Variants in TAMM41 observed in about 807,000 individuals in gnomAD.
The protein encoded by TAMM41 is phosphatidate cytidylyltransferase, mitochondrial.
A neutral mutation model predicts 44.1 loss-of-function variants in TAMM41; 36 were observed. That is an observed-to-expected ratio of 0.82 (90% CI 0.63 to 1.08). The LOEUF (loss-of-function observed/expected upper bound fraction) is 1.08. Among genes scored for constraint, TAMM41 ranks in the 50% least tolerant of loss-of-function variants. The pLI, the probability that TAMM41 is intolerant of heterozygous loss-of-function variation, is 0.00. For missense variants in TAMM41, 417 were observed against 404.3 expected, an observed-to-expected ratio of 1.03 and a Z score of -0.27; for synonymous variants, 164 against 153.1, an observed-to-expected ratio of 1.07 and a Z score of -0.53.
At chr3:11,794,840 G>A (rs572780988) in intron 7 of TAMM41, among the ~76,000 whole-genome samples, 4 of 152,178 alleles carry the variant, frequency 2.6e-5, no homozygotes, top group Admixed American at 6.5e-5. Context: ...ATAATCTTAC[G>A]TTTCAGACCT....
At chr3:11,821,426 A>G (rs1395469420) in intron 4 of TAMM41, among the ~76,000 whole-genome samples, 1 of 152,160 alleles carries the variant, frequency 6.6e-6, no homozygotes, top group East Asian at 1.9e-4. Context: ...TGCAGTTCAA[A>G]TAGGTATTGC....
the TAMM41 span, among the ~76,000 whole-genome samples, chr3:11,737,846 T>C: frequency 6.6e-6 from 1 of 152,204 alleles, no homozygotes; most frequent in Admixed American, 6.5e-5. Flanking sequence ...AATGGAGATA[T>C]GGAGCTGACT....
chr3:11,764,734 C>T, the TAMM41 span, among the ~76,000 whole-genome samples: 24 of 151,972 alleles, frequency 1.6e-4, no homozygotes, highest in East Asian at 1.9e-3. Flanking sequence ...CCTTGTGATC[C>T]GCCTGCCTCG....
chr3:11,743,834 C>T, the TAMM41 span, among the ~76,000 whole-genome samples: 1 of 152,214 alleles, frequency 6.6e-6, no homozygotes, highest in Non-Finnish European at 1.5e-5. Flanking sequence ...CACAGTGGAG[C>T]CTCTTCACTT....
At chr3:11,729,871 G>A in the TAMM41 span, among the ~76,000 whole-genome samples, 2 of 152,102 alleles carry the variant, frequency 1.3e-5, no homozygotes, top group Non-Finnish European at 2.9e-5. Context: ...GGTGCCAAGT[G>A]TGTGCAGTGT....
the TAMM41 span, among the ~76,000 whole-genome samples, chr3:11,730,303 C>T: frequency 1.1e-4 from 16 of 151,874 alleles, no homozygotes; most frequent in East Asian, 2.7e-3. Context: ...CACCTGTATT[C>T]CCAGCTGCTC....
chr3:11,823,191 C>T (rs2078594679), intron 4 of TAMM41, among the ~76,000 whole-genome samples: 1 of 151,522 alleles, frequency 6.6e-6, no homozygotes, highest in African/African-American at 2.4e-5. Context: ...GAAGAAATGG[C>T]TATTCAAATC....
chr3:11,729,539 ATTTTTTTTTTTTTTTTTTT>A, the TAMM41 span, among the ~76,000 whole-genome samples: 59 of 32,292 alleles, frequency 1.8e-3, no homozygotes, highest in Admixed American at 2.9e-3. Flanking sequence ...TCTTTCTTTC[ATTTTTTTTTTTTTTTTTTT>A]TTTTTTTTTT....
At chr3:11,796,944 G>A (rs185011871) in intron 7 of TAMM41, among the ~76,000 whole-genome samples, 45 of 152,306 alleles carry the variant, frequency 3.0e-4, no homozygotes, top group Non-Finnish European at 5.4e-4. Context: ...AACCAGGGAG[G>A]TGAAAGATCT....
rs1435613632 is a variant in TAMM41 at position 11,791,310 on chromosome 3, C to G, written c.938-729G>C. Among the ~76,000 whole-genome samples, 9 of 152,278 alleles carry G rather than the reference C, an allele frequency of 5.9e-5. No individual in the cohort carries two copies. In the South Asian group the frequency reaches 1.2e-3, roughly 21 times the overall value. On this transcript the variant is annotated intron_variant, in intron 7 of 7. Coordinates refer to ENST00000455809, the MANE Select transcript of TAMM41 (RefSeq NM_001284401.2). ...GTGCCTCATTCGGAGAGCTGGCCCC[C>G]TAGCACCCCCATCTACTTAGTCAGG...
At chr3:11,797,312 G>T (rs556952305) in intron 7 of TAMM41, among the ~76,000 whole-genome samples, 1 of 152,254 alleles carries the variant, frequency 6.6e-6, no homozygotes, top group East Asian at 1.9e-4. Flanking sequence ...TAGACCAATG[G>T]AACAGAACAG....
At chr3:11,838,808 G>C (rs1368893975) in intron 3 of TAMM41, among the ~76,000 whole-genome samples, 1 of 152,020 alleles carries the variant, frequency 6.6e-6, no homozygotes, top group East Asian at 1.9e-4. Flanking sequence ...GGTGGGAGTG[G>C]GGGGCCTGAA....
At chr3:11,735,078 A>C in the TAMM41 span, among the ~76,000 whole-genome samples, 8 of 149,034 alleles carry the variant, frequency 5.4e-5, no homozygotes, top group Middle Eastern at 3.5e-3. Flanking sequence ...AGCAAATGTG[A>C]CTCAGGCATG....
chr3:11,740,309 CTTTTTT>C, the TAMM41 span, among the ~76,000 whole-genome samples: 1 of 151,972 alleles, frequency 6.6e-6, no homozygotes, highest in African/African-American at 2.4e-5. Context: ...CTTTTTCTTT[CTTTTTT>C]TAAGTGGATA....
At chr3:11,830,663 A>G (rs2078946884) in intron 3 of TAMM41, 1 of 152,210 alleles carries the variant, frequency 6.6e-6, no homozygotes, top group Non-Finnish European at 1.5e-5. Flanking sequence ...TCATGAGACC[A>G]GCCTGGGCAA....
In TAMM41 at chr3:11,805,012, T is replaced by TGTG. The variant is rs1372230670; in HGVS notation, c.937+2820_937+2821insCAC. Among the ~76,000 whole-genome samples, 619 of 141,742 alleles carry TGTG rather than the reference T, an allele frequency of 4.4e-3. 6 individuals carry two copies. The highest frequency in any genetic ancestry group is 0.015 in the African/African-American group (570 of 38,780). The allele number at this position is 141,742 out of a possible 152,430, so 93.0% of individuals were successfully genotyped here. A position where few individuals can be genotyped will look rare whatever the true frequency, so the allele number is the denominator to read the frequency against. The stretch of plus-strand genomic sequence containing the variant: ...CGCCCAGCCCTTTTTTTTTTTTTTT[T>TGTG]TTTTTTTTTTTTGAGACGAAGTCTC... On this transcript the variant is annotated intron_variant, in intron 7 of 7. Coordinates refer to ENST00000455809, the MANE Select transcript of TAMM41 (RefSeq NM_001284401.2).
At position 11,827,245 on chromosome 3, in the gene TAMM41, T is replaced by C. The variant is rs528128554; in HGVS notation, c.562+2469A>G. On this transcript the variant is annotated intron_variant, in intron 4 of 7. Transcript: ENST00000455809. ...AATGCATTTGGTGCTCCTTTCCTGT[T>C]CATTTAAATGCTGACTTCTAAGAAA... 3.2e-3 allele frequency among the ~76,000 whole-genome samples: 484 copies of C among 152,296 alleles called. 1 individual carries two copies. Among genetic ancestry groups the C allele is most frequent in the Non-Finnish European group, 5.5e-3 (375 of 68,020 alleles).
At chr3:11,783,395 A>C in the TAMM41 span, among the ~76,000 whole-genome samples, 1 of 151,584 alleles carries the variant, frequency 6.6e-6, no homozygotes, top group Non-Finnish European at 1.5e-5. Flanking sequence ...ATGACTAGCC[A>C]CCTTTGGTCA....
chr3:11,843,879 A>T (rs2079555818), intron 2 of TAMM41, 150 bp downstream of exon 2: 1 of 770,386 alleles, frequency 1.3e-6, no homozygotes, highest in African/African-American at 1.8e-5. Context: ...GAATATACAT[A>T]CTATAAAAAC....
Sources: gnomAD v4.1 joint callset for allele counts (sites outside exome capture counted in the v4.1 genomes callset) on GRCh38, gnomAD v4.1.1 for gene constraint, MANE v1.5 for transcripts, NCBI Gene and HGNC (gene_info 2026-07-23, HGNC 2026-07-21) for gene names.